The following CPD variants were observed in gnomAD, a reference collection of about 807,000 sequenced individuals.
The protein encoded by CPD is metallocarboxypeptidase D.
A neutral mutation model predicts 138.3 loss-of-function variants in CPD; 69 were observed. That is an observed-to-expected ratio of 0.50 (90% CI 0.41 to 0.61). The LOEUF (loss-of-function observed/expected upper bound fraction) is 0.61. CPD is among the 20% of genes least tolerant of loss of function. CPD has a pLI of 0.00. For missense variants in CPD, 1,432 were observed against 1,733.3 expected, an observed-to-expected ratio of 0.83 and a Z score of 3.09; for synonymous variants, 651 against 642.1, an observed-to-expected ratio of 1.01 and a Z score of -0.21.
Position 30,400,558 on chromosome 17 carries a change from G to A in CPD, c.994+15322G>A, listed in dbSNP as rs183200426. On this transcript the variant is annotated intron_variant, in intron 2 of 20. Coordinates refer to ENST00000225719, the MANE Select transcript of CPD (RefSeq NM_001304.5). ...CTGTGGTATAACTTCTCTTCTGCCT[G>A]AAGAGCCTTCTTTAGCATTTCTTTT... 1.3e-3 allele frequency among the ~76,000 whole-genome samples: 194 copies of A among 151,288 alleles called. 1 individual carries two copies. The highest frequency in any genetic ancestry group is 3.9e-3 in the African/African-American group (161 of 41,188).
rs1567863667 is a variant in CPD, at chr17:30,382,334, A to G, written c.746+2608A>G. On this transcript the variant is annotated intron_variant, in intron 1 of 20. Coordinates refer to ENST00000225719, the MANE Select transcript of CPD (RefSeq NM_001304.5). ...TATAAACTCATTTGTAATATCTCTA[A>G]TATATTTACCAGCTACTTTAAATCT... 2.6e-5 allele frequency among the ~76,000 whole-genome samples: 4 copies of G among 152,200 alleles called. No homozygotes were observed. The South Asian group carries it at 6.2e-4, about 24-fold the overall frequency.
rs1418405999 is a variant in CPD at position 30,443,863 on chromosome 17, C to T, written c.2435C>T (p.Ala812Val). Residue 812 changes from alanine to valine, a missense_variant, in exon 11 of 21, where the codon GCC becomes GTC. By Grantham distance (64) the Ala-to-Val change is moderately conservative. This residue lies in a region of CPD where 297 missense variants were observed against 405.3 expected (regional missense o/e 0.73). Coordinates refer to ENST00000225719, the MANE Select transcript of CPD (RefSeq NM_001304.5). The stretch of plus-strand genomic sequence containing the variant: ...ACAGATGGCAGGGGTATATTAAATG[C>T]CACCATTAGTGTTGCTGAGATTAAT... ...DATDGRGILN[A>V]TISVAEINHP... The T allele has an allele frequency of 3.7e-6, 6 of 1,613,872 alleles. No homozygotes were observed. In the Admixed American group the frequency reaches 1.0e-4, roughly 27 times the overall value.
chr17:30,444,118 C>T, intron 11 of CPD, 147 bp downstream of exon 11: 1 of 628,458 alleles, frequency 1.6e-6, no homozygotes, highest in Non-Finnish European at 2.6e-6. Flanking sequence ...ACCTTTGACT[C>T]TCCTTTAGTG....
In CPD at chr17:30,442,385, C is replaced by T. The variant is rs1192429497; in HGVS notation, c.2308C>T (p.Leu770Phe). 1 of 1,613,326 alleles carries T rather than the reference C, an allele frequency of 6.2e-7. No homozygotes were observed. The highest frequency in any genetic ancestry group is 1.3e-5 in the African/African-American group (1 of 74,862). ...TGAACTAGGTTGTGTGAAATATCCA[C>T]TTGAGAAAGAGCTGCCAAACTTTTG... is the stretch of plus-strand genomic sequence containing the variant. ...TIELGCVKYP[L>F]EKELPNFWEQ... The change falls in exon 10 of 21, where the codon CTT (leucine) becomes TTT (phenylalanine). Residue 770 changes from leucine to phenylalanine, a missense_variant. Physicochemically the swap from Leu to Phe is conservative, Grantham distance 22 (BLOSUM62 0). Around this residue, in one of 6 missense-constraint regions of CPD, gnomAD observed 297 missense variants for 405.3 expected, o/e 0.73. Transcript: ENST00000225719.
intron 2 of CPD, among the ~76,000 whole-genome samples, chr17:30,391,538 A>G (rs1911357028): frequency 6.6e-6 from 1 of 152,176 alleles, no homozygotes; most frequent in Non-Finnish European, 1.5e-5. Flanking sequence ...TGGGCAGAAC[A>G]TTGTTATATT....
Position 30,451,855 on chromosome 17 carries a change from A to G in CPD, c.3205+9A>G, listed in dbSNP as rs1280263006. 4.3e-6 allele frequency: 7 copies of G among 1,613,392 alleles called. No individual in the cohort carries two copies. Among genetic ancestry groups the G allele is most frequent in the South Asian group, 1.1e-5 (1 of 90,944 alleles). On this transcript the variant is annotated intron_variant, in intron 14 of 20. Coordinates refer to ENST00000225719, the MANE Select transcript of CPD (RefSeq NM_001304.5). ...GGATACAGACTTCACAAGTAAGACT[A>G]ATTTTTAGGCTACTAAAGTACTTAG...
chr17:30,423,235 T>C (rs1432287567), intron 5 of CPD, among the ~76,000 whole-genome samples: 8 of 152,318 alleles, frequency 5.3e-5, no homozygotes, highest in Admixed American at 5.2e-4. Flanking sequence ...AGGCATGGTA[T>C]TTAATAAGTG....
intron 2 of CPD, among the ~76,000 whole-genome samples, chr17:30,395,267 C>T (rs1911472020): frequency 6.7e-6 from 1 of 148,188 alleles, no homozygotes; most frequent in African/African-American, 2.5e-5. Flanking sequence ...TTAAGGAATG[C>T]CAACAATTCA....
chr17:30,378,934 G>T lies in CPD; in HGVS notation c.-47G>T, dbSNP rs777840991. On this transcript the variant is annotated 5_prime_UTR_variant, in exon 1 of 21. Transcript: ENST00000225719. ...ATCCGGCGGGCCCCCGCCGCCCGGA[G>T]CGCTGAGCCGCGGGAGCGGAGCCGG... 1 of 1,411,686 alleles carries T rather than the reference G, an allele frequency of 7.1e-7. No individual in the cohort carries two copies. The highest frequency in any genetic ancestry group is 9.1e-7 in the Non-Finnish European group (1 of 1,096,286). 87.4% of individuals were successfully genotyped at this position (1,411,686 alleles called of 1,614,324 possible).
At chr17:30,392,967 G>T (rs972139727) in intron 2 of CPD, among the ~76,000 whole-genome samples, 5 of 152,168 alleles carry the variant, frequency 3.3e-5, no homozygotes, top group African/African-American at 4.8e-5. Context: ...CTGCCATAAA[G>T]CTTTATATTT....
Position 30,385,119 on chromosome 17 carries a change from A to G in CPD, c.877A>G (p.Lys293Glu). 6.2e-7 allele frequency: 1 copy of G among 1,614,120 alleles called. No homozygotes were observed. Among genetic ancestry groups the G allele is most frequent in the Non-Finnish European group, 8.5e-7 (1 of 1,179,996 alleles). ...TGATGAAGTATTTAAATACTTGGCA[A>G]AAGCTTATGCTTCAAACCACCCCAT... Reference protein sequence around the residue: ...SDDEVFKYLAKAYASNHPIMK... With the variant: ...SDDEVFKYLAEAYASNHPIMK... Residue 293 changes from lysine to glutamate, a missense_variant, in exon 2 of 21, where the codon AAA becomes GAA. Coordinates refer to ENST00000225719, the MANE Select transcript of CPD (RefSeq NM_001304.5).
intron 2 of CPD, among the ~76,000 whole-genome samples, chr17:30,386,148 A>G (rs1026378165): frequency 1.3e-5 from 2 of 152,082 alleles, no homozygotes; most frequent in Non-Finnish European, 2.9e-5. Flanking sequence ...TCCTGCCTCA[A>G]TCTCCTGAGT....
Position 30,464,661 on chromosome 17 carries a change from C to G in CPD, c.3990C>G (p.His1330Gln), listed in dbSNP as rs914715894. 6.2e-7 allele frequency: 1 copy of G among 1,613,902 alleles called. No homozygotes were observed. Among genetic ancestry groups the G allele is most frequent in the Non-Finnish European group, 8.5e-7 (1 of 1,179,916 alleles). ...TCTGCTCAATCAAGTCTAATAGACA[C>G]AAGGATGGCTTTCATCGGCTCAGGC... is the stretch of plus-strand genomic sequence containing the variant. The part of the protein sequence containing the change: ...WCICSIKSNR[H>Q]KDGFHRLRQH... The change falls in exon 21 of 21, where the codon CAC (histidine) becomes CAG (glutamine). Residue 1330 changes from histidine (H) to glutamine (Q), a missense_variant. This residue lies in a region of CPD where 366 missense variants were observed against 518.8 expected (regional missense o/e 0.71). Transcript: ENST00000225719.
chr17:30,443,278 C>T (rs1375299511), intron 10 of CPD, among the ~76,000 whole-genome samples: 1 of 152,106 alleles, frequency 6.6e-6, no homozygotes, highest in African/African-American at 2.4e-5. Flanking sequence ...TACATACTAT[C>T]TCTAAGTGCT....
At chr17:30,412,793 C>T (rs1912000262) in intron 2 of CPD, among the ~76,000 whole-genome samples, 1 of 152,166 alleles carries the variant, frequency 6.6e-6, no homozygotes, top group Admixed American at 6.5e-5. Context: ...TCATGGCTTC[C>T]CTTGGCTAGG....
At chr17:30,457,916 G>A (rs1267086952) in intron 17 of CPD, among the ~76,000 whole-genome samples, 5 of 152,196 alleles carry the variant, frequency 3.3e-5, no homozygotes, top group East Asian at 1.9e-4. Flanking sequence ...AAGGCTGAGC[G>A]TGGTGGTGGC....
chr17:30,417,219 T>C (rs1213896131), intron 2 of CPD, among the ~76,000 whole-genome samples: 2 of 152,190 alleles, frequency 1.3e-5, no homozygotes, highest in Non-Finnish European at 2.9e-5. Context: ...TATTTTAGAA[T>C]TTAAAGTTTT....
intron 2 of CPD, among the ~76,000 whole-genome samples, chr17:30,394,351 CCT>C (rs1484673790): frequency 2.0e-5 from 3 of 152,078 alleles, no homozygotes; most frequent in Non-Finnish European, 2.9e-5. Context: ...GTTAGGCTAT[CCT>C]CTGTCTGAAG....
At position 30,460,467 on chromosome 17, in the gene CPD, C is replaced by T. The variant is rs150581820; in HGVS notation, c.3499-713C>T. ...TTATCTAGACAAAAAGTAATGAGGGCCTAGGTTATGCTAGTGGCAACGAGA... is the reference window on the plus strand; with the variant it reads ...TTATCTAGACAAAAAGTAATGAGGGTCTAGGTTATGCTAGTGGCAACGAGA... On this transcript the variant is annotated intron_variant, in intron 17 of 20. Coordinates refer to ENST00000225719, the MANE Select transcript of CPD (RefSeq NM_001304.5). Among the ~76,000 whole-genome samples the T allele has an allele frequency of 5.0e-3, 760 of 152,050 alleles. 6 individuals are homozygous for T. Among genetic ancestry groups the T allele is most frequent in the Middle Eastern group, 0.01 (3 of 294 alleles).
Sources: allele counts gnomAD v4.1 joint callset (sites outside exome capture counted in the v4.1 genomes callset), GRCh38; gene constraint gnomAD v4.1.1; regional missense constraint gnomAD v4.1.1; transcripts MANE v1.5; gene names NCBI Gene and HGNC (gene_info 2026-07-23, HGNC 2026-07-21).